CHST15: variants seen among roughly 807,000 people sequenced by gnomAD.
The protein encoded by CHST15 is B cell RAG associated protein (GALNAC4S-6ST).
A neutral mutation model predicts 53.6 loss-of-function variants in CHST15; 30 were observed. The ratio of observed to expected loss-of-function variants is 0.56; its 90% CI spans 0.42 to 0.76. The LOEUF (loss-of-function observed/expected upper bound fraction) is 0.76. Ranked by LOEUF, CHST15 falls within the 30% of genes least tolerant of loss-of-function variation. CHST15 has a pLI of 0.00. For missense variants in CHST15, 627 were observed against 740.5 expected, an observed-to-expected ratio of 0.85 and a Z score of 1.78; for synonymous variants, 296 against 289.8, an observed-to-expected ratio of 1.02 and a Z score of -0.22.
chr10:124,089,445 A>G (rs1487230909), intron 1 of CHST15, among the ~76,000 whole-genome samples: 1 of 151,966 alleles, frequency 6.6e-6, no homozygotes, highest in African/African-American at 2.4e-5. Flanking sequence ...ACAGCTGCCA[A>G]TTACAGGGAG....
At chr10:124,031,020 A>G (rs1162670809) in intron 5 of CHST15, among the ~76,000 whole-genome samples, 1 of 152,202 alleles carries the variant, frequency 6.6e-6, no homozygotes, top group Non-Finnish European at 1.5e-5. Flanking sequence ...CTGGGGAGCC[A>G]TCCTGCTAAT....
Position 124,009,277 on chromosome 10 carries a change from T to C in CHST15, c.*872A>G, listed in dbSNP as rs2133808054. The stretch of plus-strand genomic sequence containing the variant: ...TTCTGGCATTAACAGCAAAAATTTC[T>C]CTTCCAATTATAAACTGAAGTTCTT... On this transcript the variant is annotated 3_prime_UTR_variant, in exon 8 of 8. Coordinates refer to ENST00000435907, the MANE Select transcript of CHST15 (RefSeq NM_001270764.2). 9.1e-7 allele frequency: 1 copy of C among 1,096,460 alleles called. No individual in the cohort carries two copies. The highest frequency in any genetic ancestry group is 1.1e-6 in the Non-Finnish European group (1 of 890,084). The allele number at this position is 1,096,460 out of a possible 1,614,324, so 67.9% of individuals were successfully genotyped here.
intron 6 of CHST15, chr10:124,020,001 C>G (rs1946716954): frequency 1.0e-6 from 1 of 985,696 alleles, no homozygotes; most frequent in South Asian, 4.7e-5. Context: ...AAGAACCTGC[C>G]TGAAGCCCCG....
At chr10:124,021,174 C>A (rs976843127) in intron 6 of CHST15, 82 bp downstream of exon 6, 1 of 1,540,902 alleles carries the variant, frequency 6.5e-7, no homozygotes, top group Non-Finnish European at 8.7e-7. Context: ...CGCAAACCCA[C>A]AATGCCGCTT....
chr10:124,079,341 C>T (rs769809146), intron 1 of CHST15, among the ~76,000 whole-genome samples: 9 of 152,218 alleles, frequency 5.9e-5, no homozygotes, highest in Non-Finnish European at 1.3e-4. Context: ...ATGAAAATAA[C>T]TGATGACACA....
At chr10:124,069,604 G>A (rs1343947660) in intron 1 of CHST15, among the ~76,000 whole-genome samples, 1 of 152,184 alleles carries the variant, frequency 6.6e-6, no homozygotes, top group Admixed American at 6.5e-5. Context: ...GGCTGAACAG[G>A]GATGGACAGT....
rs551206495 is a variant in CHST15 at position 124,089,985 on chromosome 10, C to G, written c.-513+3484G>C. On this transcript the variant is annotated intron_variant, in intron 1 of 7. Coordinates refer to ENST00000435907, the MANE Select transcript of CHST15 (RefSeq NM_001270764.2). The stretch of plus-strand genomic sequence containing the variant: ...AGCTGCTGAATGAACACATGGCACA[C>G]GAGTACATGAAGGAGCTCTGCCCGC... 5.9e-5 allele frequency among the ~76,000 whole-genome samples: 9 copies of G among 152,288 alleles called. No homozygotes were observed. In the East Asian group the frequency reaches 1.7e-3, roughly 29 times the overall value.
chr10:124,078,719 A>G (rs1446904195), intron 1 of CHST15, among the ~76,000 whole-genome samples: 6 of 152,228 alleles, frequency 3.9e-5, no homozygotes, highest in African/African-American at 1.4e-4. Flanking sequence ...ACAAACAACA[A>G]TGCTAAAGCT....
chr10:124,087,463 C>G lies in CHST15; in HGVS notation c.-513+6006G>C, dbSNP rs1006402975. 5.9e-5 allele frequency among the ~76,000 whole-genome samples: 9 copies of G among 152,334 alleles called. No homozygotes were observed. The South Asian group carries it at 1.9e-3, about 32-fold the overall frequency. Reference sequence around the variant, plus strand: ...TCAGAAAAACATAATTGTGCCTGGCCTGTATCTAATTATTTGCCCATGTTG... The same window carrying G: ...TCAGAAAAACATAATTGTGCCTGGCGTGTATCTAATTATTTGCCCATGTTG... On this transcript the variant is annotated intron_variant, in intron 1 of 7. Transcript: ENST00000435907.
chr10:124,055,274 G>A (rs960809518), intron 1 of CHST15, among the ~76,000 whole-genome samples: 2 of 152,150 alleles, frequency 1.3e-5, no homozygotes, highest in Non-Finnish European at 2.9e-5. Flanking sequence ...CTAACAAAGT[G>A]TGTTTGCTTC....
intron 5 of CHST15, among the ~76,000 whole-genome samples, chr10:124,034,944 A>AC (rs1554906757): frequency 2.8e-5 from 3 of 108,216 alleles, no homozygotes; most frequent in Non-Finnish European, 3.8e-5. Flanking sequence ...CCCTGGCTCC[A>AC]CCCCTAACAG....
At position 124,008,450 on chromosome 10, in the gene CHST15, G is replaced by A. The variant is rs1378552279; in HGVS notation, c.*1699C>T. 1.1e-5 allele frequency: 11 copies of A among 991,468 alleles called. No homozygotes were observed. The highest frequency in any genetic ancestry group is 1.1e-4 in the East Asian group (1 of 9,142). 61.4% of individuals were successfully genotyped at this position (991,468 alleles called of 1,614,324 possible). ...GCTCAGGCCAGATTTCCCTGCTGGCGGCTGCTCCCAGTGCCGGCTATAGAG... is the reference window on the plus strand; with the variant it reads ...GCTCAGGCCAGATTTCCCTGCTGGCAGCTGCTCCCAGTGCCGGCTATAGAG... On this transcript the variant is annotated 3_prime_UTR_variant, in exon 8 of 8. Transcript: ENST00000435907.
At position 124,044,722 on chromosome 10, in the gene CHST15, G is replaced by T. The variant is rs1317165549; in HGVS notation, c.744C>A (p.Phe248Leu). 6.2e-7 allele frequency: 1 copy of T among 1,613,786 alleles called. No individual in the cohort carries two copies. The highest frequency in any genetic ancestry group is 8.5e-7 in the Non-Finnish European group (1 of 1,179,896). The change falls in exon 3 of 8, where the codon TTC (phenylalanine) becomes TTA (leucine). Residue 248 changes from phenylalanine to leucine, a missense_variant. Phe to Leu is a conservative substitution (Grantham distance 22, BLOSUM62 0). Transcript: ENST00000435907. ...AGAAGTGCGGCAGGCAGCGCAGGCG[G>T]AAGTGCTTCCCGTGCGCGTGCGCCA... ...GHLAHAHGKH[F>L]RLRCLPHFYI...
At position 124,074,476 on chromosome 10, in the gene CHST15, G is replaced by A. The variant is rs935240960; in HGVS notation, c.-513+18993C>T. 6.6e-6 allele frequency among the ~76,000 whole-genome samples: 1 copy of A among 152,102 alleles called. No individual in the cohort carries two copies. The highest frequency in any genetic ancestry group is 1.5e-5 in the Non-Finnish European group (1 of 68,010). On this transcript the variant is annotated intron_variant, in intron 1 of 7. Transcript: ENST00000435907. The surrounding 1 kb of genome is among the most constrained non-coding windows in gnomAD (Gnocchi z 4.4). ...TCATCAATCCAGTCTCTAGAAACAA[G>A]GATTCTAGCACATTCTAAGCCTTAA...
In CHST15 at chr10:124,009,163, CCT is replaced by C. The variant is rs1946344138; in HGVS notation, c.*984_*985del. The C allele has an allele frequency of 1.7e-6, 2 of 1,196,184 alleles. No individual in the cohort carries two copies. The highest frequency in any genetic ancestry group is 2.1e-6 in the Non-Finnish European group (2 of 936,322). 74.1% of individuals were successfully genotyped at this position (1,196,184 alleles called of 1,614,324 possible). A position where few individuals can be genotyped will look rare whatever the true frequency, so the allele number is the denominator to read the frequency against. On this transcript the variant is annotated 3_prime_UTR_variant, in exon 8 of 8. Transcript: ENST00000435907. ...GCCGGCCAGAACTAAAAATTAAAATCCTCTGTTTCTCTGATGATCTTGTAAAC... is the reference window on the plus strand; with the variant it reads ...GCCGGCCAGAACTAAAAATTAAAATCCTGTTTCTCTGATGATCTTGTAAAC...
chr10:124,025,185 G>T (rs990039943), intron 5 of CHST15, among the ~76,000 whole-genome samples: 11 of 152,218 alleles, frequency 7.2e-5, no homozygotes, highest in African/African-American at 2.7e-4. Flanking sequence ...TGAGGAATCT[G>T]CTGATTCCAT....
At chr10:124,071,655 TA>T (rs1409034094) in intron 1 of CHST15, among the ~76,000 whole-genome samples, 1 of 152,244 alleles carries the variant, frequency 6.6e-6, no homozygotes, top group Non-Finnish European at 1.5e-5. Flanking sequence ...TTCCAGTGTG[TA>T]TTTTACACTT....
chr10:124,088,151 T>A (rs1480965027), intron 1 of CHST15, among the ~76,000 whole-genome samples: 2 of 152,230 alleles, frequency 1.3e-5, no homozygotes, highest in African/African-American at 4.8e-5. Context: ...TGCCAAGCAC[T>A]GGCAGGTATT....
chr10:124,025,996 G>GT (rs1051629602), intron 5 of CHST15, among the ~76,000 whole-genome samples: 4 of 152,164 alleles, frequency 2.6e-5, no homozygotes, highest in Non-Finnish European at 5.9e-5. Context: ...AAGAAGCCAA[G>GT]TTTGTGGTGA....
Sources: allele counts gnomAD v4.1 joint callset (sites outside exome capture counted in the v4.1 genomes callset), GRCh38; gene constraint gnomAD v4.1.1; non-coding constraint Gnocchi (gnomAD v3.1); transcripts MANE v1.5; gene names NCBI Gene and HGNC (gene_info 2026-07-23, HGNC 2026-07-21).